Variants in COG6 observed in about 807,000 individuals in gnomAD.
COG6 encodes the protein component of oligomeric golgi complex 6, also known as conserved oligomeric Golgi complex subunit 6.
COG6 carries 74 observed loss-of-function variants against 88.8 expected under a neutral mutation model. The observed-to-expected ratio is 0.83, with a 90% CI of 0.69 to 1.01. The LOEUF (loss-of-function observed/expected upper bound fraction) is 1.01, where lower values mean the gene tolerates loss of function less well. Ranked by LOEUF, COG6 falls within the 50% of genes least tolerant of loss-of-function variation. The pLI is 0.00. For missense variants in COG6, 800 were observed against 797.9 expected (o/e 1.00, Z -0.03); for synonymous variants, 286 against 278.7 (o/e 1.03, Z -0.26).
At chr13:39,757,423 A>G (rs1038918316), downstream of COG6, among the ~76,000 whole-genome samples, 4 of 152,128 alleles carry the variant, frequency 2.6e-5, no homozygotes, top group Non-Finnish European at 5.9e-5. Context: ...AGCAAACTAA[A>G]CCTAATGCAA....
chr13:39,751,551 T>G lies in COG6; in HGVS notation c.*458T>G. 1 of 1,287,268 alleles carries G rather than the reference T, an allele frequency of 7.8e-7. No homozygotes were observed. Among genetic ancestry groups the G allele is most frequent in the Non-Finnish European group, 1.0e-6 (1 of 988,714 alleles). The allele number at this position is 1,287,268 out of a possible 1,614,324, so 79.7% of individuals were successfully genotyped here. A position where few individuals can be genotyped will look rare whatever the true frequency, so the allele number is the denominator to read the frequency against. ...ATGAGTAGGCATACTTAGTAGCTTT[T>G]CTGAACCTAGCCTATGTCTCTGTCC... On this transcript the variant is annotated 3_prime_UTR_variant, in exon 19 of 19. Coordinates refer to ENST00000455146, the MANE Select transcript of COG6 (RefSeq NM_020751.3).
chr13:39,655,986 G>A, intron 1 of COG6, 107 bp downstream of exon 1: 2 of 1,350,746 alleles, frequency 1.5e-6, no homozygotes, highest in Non-Finnish European at 2.1e-6. Context: ...CCCGGCAGCA[G>A]AGGGACCGCG....
At chr13:39,693,945 C>T (rs943924879) in intron 11 of COG6, among the ~76,000 whole-genome samples, 3 of 151,762 alleles carry the variant, frequency 2.0e-5, no homozygotes, top group Non-Finnish European at 4.4e-5. Flanking sequence ...TAAGCAGTAG[C>T]TTAAGGACAG....
chr13:39,703,815 C>A (rs1254996525), intron 13 of COG6, among the ~76,000 whole-genome samples: 1 of 152,054 alleles, frequency 6.6e-6, no homozygotes, highest in Non-Finnish European at 1.5e-5. Flanking sequence ...CTCACTGCAG[C>A]CTTGAAGCTC....
chr13:39,761,961 C>A (rs1487046765), intron 18 of COG6, among the ~76,000 whole-genome samples: 1 of 151,802 alleles, frequency 6.6e-6, no homozygotes, highest in East Asian at 1.9e-4. Flanking sequence ...AGAGATTCCT[C>A]TAAAAACTAA....
At chr13:39,761,420 T>C (rs1881008545) in intron 18 of COG6, among the ~76,000 whole-genome samples, 2 of 151,916 alleles carry the variant, frequency 1.3e-5, no homozygotes, top group Non-Finnish European at 2.9e-5. Flanking sequence ...GACCTGAAAG[T>C]ATGAAACTAC....
chr13:39,708,609 ATTACT>A (rs1878070567), intron 13 of COG6, among the ~76,000 whole-genome samples: 1 of 151,984 alleles, frequency 6.6e-6, no homozygotes, highest in Non-Finnish European at 1.5e-5. Context: ...TGTTGTTTAA[ATTACT>A]TTATTTTCCT....
rs748564567 is a variant in COG6, at chr13:39,723,347, G to A, written c.1599G>A (p.Leu533=). ...EMLQFQIEAH[L]DTLINEQASY... is the part of the protein sequence containing the mutation. ...TTTTATTTTAGATCGAAGCACATTT[G>A]GACACACTTATAAATGAGCAAGCCT... The change falls in exon 16 of 19, where the codon TTG becomes TTA. Residue 533 remains leucine, a synonymous_variant. Transcript: ENST00000455146. The A allele has an allele frequency of 6.2e-7, 1 of 1,605,070 alleles. No individual in the cohort carries two copies. The highest frequency in any genetic ancestry group is 2.2e-5 in the East Asian group (1 of 44,782).
intron 18 of COG6, among the ~76,000 whole-genome samples, chr13:39,730,969 A>C (rs1222877102): frequency 6.6e-6 from 1 of 151,288 alleles, no homozygotes; most frequent in Non-Finnish European, 1.5e-5. Context: ...CTACAGGTGC[A>C]TGCCACCACT....
chr13:39,782,783 G>A (rs950929654), intron 18 of COG6, among the ~76,000 whole-genome samples: 2 of 152,164 alleles, frequency 1.3e-5, no homozygotes, highest in Admixed American at 6.5e-5. Flanking sequence ...GCTCAGGGGG[G>A]AACAGCATGT....
chr13:39,704,218 A>G (rs1399753027), intron 13 of COG6, among the ~76,000 whole-genome samples: 1 of 152,172 alleles, frequency 6.6e-6, no homozygotes, highest in Non-Finnish European at 1.5e-5. Flanking sequence ...TTGCAACAAA[A>G]CAGGAAAACA....
At chr13:39,747,589 A>G (rs1880411254) in intron 18 of COG6, among the ~76,000 whole-genome samples, 1 of 152,058 alleles carries the variant, frequency 6.6e-6, no homozygotes. Flanking sequence ...AAGACATACT[A>G]TACCATCTAA....
At chr13:39,743,011 A>G (rs1880134119) in intron 18 of COG6, among the ~76,000 whole-genome samples, 2 of 152,242 alleles carry the variant, frequency 1.3e-5, no homozygotes, top group African/African-American at 2.4e-5. Flanking sequence ...ACTACTGGGT[A>G]CATAACGAAA....
chr13:39,682,300 A>C (rs779145993), intron 8 of COG6, 36 bp downstream of exon 8: 1 of 1,279,608 alleles, frequency 7.8e-7, no homozygotes, highest in South Asian at 1.2e-5. Flanking sequence ...ATGAAAGCCT[A>C]CTTTTCTTTT....
chr13:39,762,697 A>T (rs1881053652), intron 18 of COG6, among the ~76,000 whole-genome samples: 1 of 151,366 alleles, frequency 6.6e-6, no homozygotes, highest in African/African-American at 2.4e-5. Flanking sequence ...CACCTTCATA[A>T]TATTATTTTC....
chr13:39,703,646 T>C (rs1173384483), intron 13 of COG6, among the ~76,000 whole-genome samples: 1 of 152,136 alleles, frequency 6.6e-6, no homozygotes, highest in Non-Finnish European at 1.5e-5. Flanking sequence ...AGAAAAAACA[T>C]TTAGAATTTA....
intron 13 of COG6, among the ~76,000 whole-genome samples, chr13:39,703,549 C>T (rs962793106): frequency 1.3e-5 from 2 of 152,098 alleles, no homozygotes; most frequent in Admixed American, 6.6e-5. Context: ...TCTGACACAT[C>T]AACTTTTAAT....
At chr13:39,710,287 A>C (rs1279306936) in intron 13 of COG6, among the ~76,000 whole-genome samples, 1 of 152,038 alleles carries the variant, frequency 6.6e-6, no homozygotes, top group African/African-American at 2.4e-5. Flanking sequence ...TTTATTTTAC[A>C]CATATGTATT....
At chr13:39,724,644 T>C (rs1470282039) in intron 17 of COG6, 83 bp downstream of exon 17, 1 of 1,049,298 alleles carries the variant, frequency 9.5e-7, no homozygotes, top group Non-Finnish European at 1.5e-6. Context: ...AATTTCATTC[T>C]GGGTGACACT....
Sources: allele counts gnomAD v4.1 joint callset (sites outside exome capture counted in the v4.1 genomes callset), GRCh38; gene constraint gnomAD v4.1.1; transcripts MANE v1.5; gene names NCBI Gene and HGNC (gene_info 2026-07-23, HGNC 2026-07-21).